The following ARID3A variants were observed in gnomAD, a reference collection of about 807,000 sequenced individuals.
The protein encoded by ARID3A is AT-rich interactive domain-containing protein 3A.
In ARID3A, 11 loss-of-function variants were observed where a neutral mutation model predicts 52.7. That is an observed-to-expected ratio of 0.21 (90% CI 0.13 to 0.35). ARID3A has a LOEUF of 0.35. Among genes scored for constraint, ARID3A ranks in the 10% least tolerant of loss-of-function variants. The pLI is 1.00. For synonymous variants in ARID3A, 404 were observed against 359.4 expected (o/e 1.12, Z -1.40); for missense variants, 721 against 838.5 (o/e 0.86, Z 1.73).
intron 3 of ARID3A, among the ~76,000 whole-genome samples, chr19:955,417 A>T (rs2037896936): frequency 6.6e-6 from 1 of 152,184 alleles, no homozygotes. Flanking sequence ...ACTGCCACGC[A>T]TCAGTGCCCC....
Position 968,291 on chromosome 19 carries a change from A to C in ARID3A, c.1496-114A>C, listed in dbSNP as rs112523184. 10 of 799,572 alleles carry C rather than the reference A, an allele frequency of 1.3e-5. No individual in the cohort carries two copies. The African/African-American group carries it at 1.5e-4, about 12-fold the overall frequency. 49.5% of individuals were successfully genotyped at this position (799,572 alleles called of 1,614,324 possible). A position where few individuals can be genotyped will look rare whatever the true frequency, so the allele number is the denominator to read the frequency against. On this transcript the variant is annotated intron_variant, in intron 7 of 8. Coordinates refer to ENST00000263620, the MANE Select transcript of ARID3A (RefSeq NM_005224.3). ...GGAGAATGGCGTGAACCCAGGAGGC[A>C]GAGCTTGCAGTGAGCTGAGATCGCG...
In ARID3A at chr19:944,323, G is replaced by GA; in HGVS notation, c.693+11581_693+11582insA. On this transcript the variant is annotated intron_variant, in intron 3 of 8. Coordinates refer to ENST00000263620, the MANE Select transcript of ARID3A (RefSeq NM_005224.3). The surrounding 1 kb of genome is among the most constrained non-coding windows in gnomAD (Gnocchi z 5.9). ...TGTCTGGCTGCAGGGGCGCGTCCAG[G>GA]GGGTGTGTGTGTGTGTGTGTGTGTG... Among the ~76,000 whole-genome samples, 1 of 139,884 alleles carries GA rather than the reference G, an allele frequency of 7.1e-6. No individual in the cohort carries two copies. Among genetic ancestry groups the GA allele is most frequent in the Non-Finnish European group, 1.5e-5 (1 of 65,250 alleles). The allele number at this position is 139,884 out of a possible 152,430, so 91.8% of individuals were successfully genotyped here.
intron 3 of ARID3A, among the ~76,000 whole-genome samples, chr19:940,910 C>A (rs1010322225): frequency 6.6e-6 from 1 of 151,972 alleles, no homozygotes; most frequent in Non-Finnish European, 1.5e-5. Context: ...TGGGCCCTGG[C>A]GGGCGAGGGG....
chr19:961,026 G>A (rs1039793520), intron 4 of ARID3A, among the ~76,000 whole-genome samples: 2 of 152,162 alleles, frequency 1.3e-5, no homozygotes, highest in South Asian at 2.1e-4. Flanking sequence ...AGTCCTCGTC[G>A]GCCGGAGAGG....
At chr19:958,937 C>CT (rs1272259895) in intron 3 of ARID3A, among the ~76,000 whole-genome samples, 4 of 152,174 alleles carry the variant, frequency 2.6e-5, no homozygotes, top group Non-Finnish European at 5.9e-5. Context: ...CTGTGTTCAG[C>CT]TGTGTTAGAC....
chr19:957,062 T>C (rs2037935100), intron 3 of ARID3A, among the ~76,000 whole-genome samples: 1 of 152,142 alleles, frequency 6.6e-6, no homozygotes, highest in African/African-American at 2.4e-5. Flanking sequence ...AACTCCGCTT[T>C]CTAATTATCC....
intron 3 of ARID3A, among the ~76,000 whole-genome samples, chr19:940,549 C>T (rs1001962412): frequency 1.3e-5 from 2 of 152,072 alleles, no homozygotes; most frequent in African/African-American, 4.8e-5. Context: ...GCCAACACTG[C>T]AGCTGGGCTT....
intron 3 of ARID3A, among the ~76,000 whole-genome samples, chr19:934,780 T>G (rs1016830514): frequency 2.6e-5 from 4 of 151,984 alleles, no homozygotes; most frequent in Non-Finnish European, 5.9e-5. Context: ...TCCTGTGACT[T>G]TTTTTTCTCT....
intron 3 of ARID3A, among the ~76,000 whole-genome samples, chr19:949,164 G>A (rs1298651681): frequency 6.6e-6 from 1 of 152,100 alleles, no homozygotes; most frequent in Non-Finnish European, 1.5e-5. Context: ...ACCCCTCCCT[G>A]CCTCAGTTCC....
Position 965,033 on chromosome 19 carries a change from C to T in ARID3A, c.1151C>T (p.Ala384Val), listed in dbSNP as rs2038118265. ...CCCGTGTCCTCCCTGGGCCTGGCCG[C>T]AAGCACCAATGGCAGCTCCATCACC... The part of the protein sequence containing the change: ...KLPVSSLGLA[A>V]STNGSSITPA... The change falls in exon 6 of 9, where the codon GCA becomes GTA. Residue 384 changes from alanine to valine, a missense_variant. Physicochemically the swap from Ala to Val is moderately conservative, Grantham distance 64. Around this residue, in one of 5 missense-constraint regions of ARID3A, gnomAD observed 297 missense variants for 343.2 expected, o/e 0.87. Coordinates refer to ENST00000263620, the MANE Select transcript of ARID3A (RefSeq NM_005224.3). The T allele has an allele frequency of 6.2e-7, 1 of 1,613,068 alleles. No individual in the cohort carries two copies. Among genetic ancestry groups the T allele is most frequent in the Non-Finnish European group, 8.5e-7 (1 of 1,179,522 alleles).
At chr19:928,416 A>C (rs2037245793) in intron 1 of ARID3A, 2 of 152,030 alleles carry the variant, frequency 1.3e-5, no homozygotes, top group Admixed American at 1.3e-4. Flanking sequence ...AGGCTGGGTG[A>C]GTGTGTTGCC....
intron 3 of ARID3A, among the ~76,000 whole-genome samples, chr19:937,519 G>A (rs555135686): frequency 2.8e-4 from 42 of 151,960 alleles, no homozygotes; most frequent in Non-Finnish European, 4.9e-4. Flanking sequence ...TTATGTGGGC[G>A]TACGTTTGTA....
intron 1 of ARID3A, among the ~76,000 whole-genome samples, chr19:926,280 G>T (rs1272240696): frequency 2.4e-5 from 1 of 41,862 alleles, no homozygotes; most frequent in Admixed American, 2.8e-4. Flanking sequence ...AGCCAAAGAA[G>T]GGGGTCCCCA....
At chr19:955,508 C>T (rs2037898848) in intron 3 of ARID3A, among the ~76,000 whole-genome samples, 1 of 152,232 alleles carries the variant, frequency 6.6e-6, no homozygotes, top group Non-Finnish European at 1.5e-5. Context: ...GCTCCCCTCT[C>T]CAACCCCAAC....
rs758613246 is a variant in ARID3A, at chr19:929,636, C to G, written c.108C>G (p.Pro36=). The change falls in exon 2 of 9, where the codon CCC becomes CCG. Residue 36 remains proline, a synonymous_variant. Transcript: ENST00000263620. The surrounding 1 kb of genome is among the most constrained non-coding windows in gnomAD (Gnocchi z 6.2). ...QLPPDPPAAP[P]GRARAAPDED... ...CCCCCGATCCCCCTGCTGCACCCCC[C>G]GGCCGGGCCCGGGCTGCCCCCGACG... The G allele has an allele frequency of 2.6e-6, 4 of 1,528,480 alleles. No individual in the cohort carries two copies. Among genetic ancestry groups the G allele is most frequent in the Admixed American group, 2.0e-5 (1 of 50,666 alleles). 94.7% of individuals were successfully genotyped at this position (1,528,480 alleles called of 1,614,324 possible).
At chr19:932,275 C>A in intron 2 of ARID3A, 143 bp from the exon 3 acceptor site, 1 of 1,445,186 alleles carries the variant, frequency 6.9e-7, no homozygotes, top group Non-Finnish European at 9.3e-7. Context: ...TGCTCATGAG[C>A]GCTCTCTGCA....
chr19:936,840 C>T (rs941838048), intron 3 of ARID3A, among the ~76,000 whole-genome samples: 1 of 151,864 alleles, frequency 6.6e-6, no homozygotes, highest in Non-Finnish European at 1.5e-5. Context: ...GATTCTGTCT[C>T]TAAATAAATA....
In ARID3A at chr19:960,170, C is replaced by T; in HGVS notation, c.766+6C>T. 1 of 1,608,162 alleles carries T rather than the reference C, an allele frequency of 6.2e-7. No homozygotes were observed. The highest frequency in any genetic ancestry group is 8.5e-7 in the Non-Finnish European group (1 of 1,176,434). On this transcript the variant is annotated splice_donor_region_variant and intron_variant, in intron 4 of 8. Transcript: ENST00000263620. This position sits in a 1 kb window ranked among gnomAD's most constrained non-coding sequence, Gnocchi z 4.3. ...CAGCTTCATGCAGAAGCGAGGTGAG[C>T]CCTCTGCCCCCACCCCGCTGGAGGG...
chr19:931,034 C>T (rs2037316294), intron 2 of ARID3A, among the ~76,000 whole-genome samples: 1 of 151,950 alleles, frequency 6.6e-6, no homozygotes, highest in Non-Finnish European at 1.5e-5. Context: ...TGGCTCACGC[C>T]TGTAATCCCA....
Sources: gnomAD v4.1 joint callset for allele counts (sites outside exome capture counted in the v4.1 genomes callset) on GRCh38, gnomAD v4.1.1 for gene constraint, gnomAD v4.1.1 regional missense constraint, Gnocchi (gnomAD v3.1) non-coding constraint, MANE v1.5 for transcripts, NCBI Gene and HGNC (gene_info 2026-07-23, HGNC 2026-07-21) for gene names.